The following TTN variants were observed in gnomAD, a reference collection of about 807,000 sequenced individuals.
The protein encoded by TTN is connectin.
Under a neutral mutation model 3,223.0 loss-of-function variants are expected in TTN, and 1,525 were observed. The ratio of observed to expected loss-of-function variants is 0.47; its 90% CI spans 0.45 to 0.49. The LOEUF (loss-of-function observed/expected upper bound fraction) is 0.49. TTN is among the 20% of genes least tolerant of loss of function. The pLI is 0.00. For missense variants in TTN, 40,786 were observed against 43,424.0 expected (o/e 0.94, Z 5.40); for synonymous variants, 14,094 against 15,161.0 (o/e 0.93, Z 5.17).
At position 178,723,268 on chromosome 2, in the gene TTN, T is replaced by G; in HGVS notation, c.21739A>C (p.Ile7247Leu). 6.2e-7 allele frequency: 1 copy of G among 1,613,566 alleles called. No individual in the cohort carries two copies. Among genetic ancestry groups the G allele is most frequent in the Non-Finnish European group, 8.5e-7 (1 of 1,179,648 alleles). ...SDHSVEPGKS[I>L]ILESTYTGTL... ...CCAGTGTAGGTGCTCTCCAGAATTATGGACTTCCCTGGTTCTACAGAATGA... is the reference window on the plus strand; with the variant it reads ...CCAGTGTAGGTGCTCTCCAGAATTAGGGACTTCCCTGGTTCTACAGAATGA... The change falls in exon 75 of 363, where the codon ATA (isoleucine) becomes CTA (leucine). Residue 7247 changes from isoleucine (I) to leucine (L), a missense_variant. Ile to Leu is a conservative substitution (Grantham distance 5). Coordinates refer to ENST00000589042, the MANE Select transcript of TTN (RefSeq NM_001267550.2).
chr2:178,766,496 A>G lies in TTN; in HGVS notation c.9588T>C (p.Tyr3196=), dbSNP rs778998615. 1 of 1,614,090 alleles carries G rather than the reference A, an allele frequency of 6.2e-7. No individual in the cohort carries two copies. Among genetic ancestry groups the G allele is most frequent in the Non-Finnish European group, 8.5e-7 (1 of 1,179,986 alleles). Residue 3196 remains tyrosine (Y), a synonymous_variant, in exon 41 of 363, where the codon TAT becomes TAC. Transcript: ENST00000589042. ...INFQVQERHK[Y]VVERRIHRMF... is the part of the protein sequence containing the mutation. ...TTCGGTGGATTCTTCTTTCCACTAC[A>G]TATTTGTGTCGTTCTTGAACTTGGA...
At position 178,568,018 on chromosome 2, in the gene TTN, T is replaced by G; in HGVS notation, c.78114A>C (p.Thr26038=). Residue 26038 remains threonine, a synonymous_variant, in exon 326 of 363, where the codon ACA becomes ACC. Coordinates refer to ENST00000589042, the MANE Select transcript of TTN (RefSeq NM_001267550.2). ...ERKERNSILW[T]KVNKTIIHDT... Reference sequence around the variant, plus strand: ...CATGAATAATAGTTTTGTTGACCTTTGTCCACAAAATACTGTTTCTTTCTT... The same window carrying G: ...CATGAATAATAGTTTTGTTGACCTTGGTCCACAAAATACTGTTTCTTTCTT... 1 of 1,613,394 alleles carries G rather than the reference T, an allele frequency of 6.2e-7. No individual in the cohort carries two copies. Among genetic ancestry groups the G allele is most frequent in the Non-Finnish European group, 8.5e-7 (1 of 1,179,558 alleles).
rs754601149 is a variant in TTN at position 178,782,556 on chromosome 2, A to G, written c.3147T>C (p.Phe1049=). Residue 1049 remains phenylalanine, a synonymous_variant, in exon 19 of 363, where the codon TTT becomes TTC. Coordinates refer to ENST00000589042, the MANE Select transcript of TTN (RefSeq NM_001267550.2). The part of the protein sequence containing the change: ...EKETTAVTEK[F]TTEEKRFVES... ...TATTTTACCGTTTCTCTTCTGTAGT[A>G]AATTTCTCAGTCACGGCTGTGGTTT... 2.9e-5 allele frequency: 46 copies of G among 1,614,024 alleles called. No homozygotes were observed. The highest frequency in any genetic ancestry group is 3.9e-5 in the Non-Finnish European group (46 of 1,179,952).
Position 178,679,321 on chromosome 2 carries a change from T to A in TTN, c.33742+18A>T. 1 of 1,611,676 alleles carries A rather than the reference T, an allele frequency of 6.2e-7. No individual in the cohort carries two copies. Among genetic ancestry groups the A allele is most frequent in the Non-Finnish European group, 8.5e-7 (1 of 1,178,282 alleles). On this transcript the variant is annotated intron_variant, in intron 142 of 362. Coordinates refer to ENST00000589042, the MANE Select transcript of TTN (RefSeq NM_001267550.2). ...GTGAATTATCATGCTATTCCACTGA[T>A]GGATTATAAGGATGTACCTTTTGCT...
Position 178,732,153 on chromosome 2 carries a change from C to A in TTN, c.16816G>T (p.Val5606Phe). ...TATTCACCACTGTCTTCGATGCCAA[C>A]ATCTGTCAGTCTTAGAACTGCAGTA... ...ESTAVLRLTD[V>F]GIEDSGEYMC... The change falls in exon 57 of 363, where the codon GTT becomes TTT. Residue 5606 changes from valine to phenylalanine, a missense_variant. Val to Phe is a conservative substitution (Grantham distance 50). Transcript: ENST00000589042. The A allele has an allele frequency of 6.2e-7, 1 of 1,613,824 alleles. No homozygotes were observed. Among genetic ancestry groups the A allele is most frequent in the Non-Finnish European group, 8.5e-7 (1 of 1,179,766 alleles).
chr2:178,617,659 T>C (rs188224410), intron 253 of TTN, 120 bp downstream of exon 253: 1 of 1,442,004 alleles, frequency 6.9e-7, no homozygotes, highest in Non-Finnish European at 9.3e-7. Context: ...TAAAACTTTA[T>C]CCAAATTTTT....
intron 127 of TTN, among the ~76,000 whole-genome samples, chr2:178,686,130 T>TTTC: frequency 8.0e-6 from 1 of 124,482 alleles, no homozygotes; most frequent in East Asian, 2.1e-4. Context: ...TTTTTTTTTT[T>TTTC]TTTTTTTTGA....
At position 178,784,177 on chromosome 2, in the gene TTN, A is replaced by G; in HGVS notation, c.2668T>C (p.Tyr890His). Residue 890 changes from tyrosine to histidine, a missense_variant, in exon 16 of 363, where the codon TAC (tyrosine) becomes CAC (histidine). Tyr to His is a moderately conservative substitution (Grantham distance 83). Transcript: ENST00000589042. ...QFPFADTPDT[Y>H]KSEAGVEVKK... ...ACCTCAACGCCAGCTTCACTCTTGTAAGTATCTGGTGTGTCAGCGAAGGGG... is the reference window on the plus strand; with the variant it reads ...ACCTCAACGCCAGCTTCACTCTTGTGAGTATCTGGTGTGTCAGCGAAGGGG... 6.2e-7 allele frequency: 1 copy of G among 1,614,142 alleles called. No individual in the cohort carries two copies.
At position 178,684,951 on chromosome 2, in the gene TTN, C is replaced by A. The variant is rs1031380293; in HGVS notation, c.32509G>T (p.Val10837Phe). 3 of 1,608,812 alleles carry A rather than the reference C, an allele frequency of 1.9e-6. No individual in the cohort carries two copies. The highest frequency in any genetic ancestry group is 2.7e-5 in the African/African-American group (2 of 74,838). Reference protein sequence around the residue: ...APKKIVPEKKVPAPVPKKEKV... With the variant: ...APKKIVPEKKFPAPVPKKEKV... ...TCCTTTTTAGGAACTGGAGCAGGAA[C>A]TTTCTTTTCTGGCACAATTTTCTTA... is the stretch of plus-strand genomic sequence containing the variant. The change falls in exon 130 of 363, where the codon GTT becomes TTT. Residue 10837 changes from valine (V) to phenylalanine (F), a missense_variant. Physicochemically the swap from Val to Phe is conservative, Grantham distance 50. Coordinates refer to ENST00000589042, the MANE Select transcript of TTN (RefSeq NM_001267550.2).
intron 200 of TTN, 55 bp from the exon 201 acceptor site, chr2:178,652,791 AT>A: frequency 1.9e-6 from 3 of 1,608,022 alleles, no homozygotes; most frequent in Non-Finnish European, 2.5e-6. Context: ...ACTAGAAAAA[AT>A]ATTTTCAAGA....
chr2:178,717,095 C>A lies in TTN; in HGVS notation c.25639G>T (p.Glu8547Ter). ...CTTGCTCCTTCACTCTAACAAGTAC[C>A]TTGTACACCCAGCTGAGCAGAACAA... is the stretch of plus-strand genomic sequence containing the variant. ...DSCSAQLGVQ[E>*]PPRFIKKLEP... Residue 8547 changes from glutamate (E) to a stop codon, truncating the protein, a stop_gained and splice_region_variant, in exon 88 of 363, where the codon GAA becomes TAA. Coordinates refer to ENST00000589042, the MANE Select transcript of TTN (RefSeq NM_001267550.2). LOFTEE classifies it high-confidence loss of function. The A allele has an allele frequency of 6.2e-7, 1 of 1,609,078 alleles. No homozygotes were observed. Among genetic ancestry groups the A allele is most frequent in the Non-Finnish European group, 8.5e-7 (1 of 1,176,462 alleles).
rs902958789 is a variant in TTN at position 178,613,647 on chromosome 2, A to AT, written c.49532+103dup. The stretch of plus-strand genomic sequence containing the variant: ...AAAATATGAGTAAAAGTAGTTTAAA[A>AT]TTTTTTTAGTAATATATAATCATCT... On this transcript the variant is annotated intron_variant, in intron 263 of 362. Transcript: ENST00000589042. The AT allele has an allele frequency of 2.4e-6, 3 of 1,231,264 alleles. No homozygotes were observed. The African/African-American group carries it at 4.7e-5, about 19-fold the overall frequency. The allele number at this position is 1,231,264 out of a possible 1,614,324, so 76.3% of individuals were successfully genotyped here.
chr2:178,530,101 C>G lies in TTN; in HGVS notation c.106390G>C (p.Gly35464Arg). 6.2e-7 allele frequency: 1 copy of G among 1,602,006 alleles called. No homozygotes were observed. Among genetic ancestry groups the G allele is most frequent in the South Asian group, 1.1e-5 (1 of 87,584 alleles). The change falls in exon 359 of 363, where the codon GGT (glycine) becomes CGT (arginine). Residue 35464 changes from glycine to arginine, a missense_variant. Gly to Arg is a moderately radical substitution (Grantham distance 125). Coordinates refer to ENST00000589042, the MANE Select transcript of TTN (RefSeq NM_001267550.2). Reference sequence around the variant, plus strand: ...TTGTCTTCAGAGAGTTTATATTTACCTCCTTGTGTAATGGCCTGTAGAATG... The same window carrying G: ...TTGTCTTCAGAGAGTTTATATTTACGTCCTTGTGTAATGGCCTGTAGAATG... Reference protein sequence around the residue: ...TKDGKAITQGGKYKLSEDKGG... With the variant: ...TKDGKAITQGRKYKLSEDKGG...
At position 178,601,481 on chromosome 2, in the gene TTN, C is replaced by T. The variant is rs757839460; in HGVS notation, c.55516G>A (p.Asp18506Asn). ...TAGCCTTTGATCCTGTCTCCTCCAT[C>T]GTCGTCTGGCATCTTCCATGAAAGT... The part of the protein sequence containing the change: ...CRLSWKMPDD[D>N]GGDRIKGYVI... The change falls in exon 287 of 363, where the codon GAT (aspartate) becomes AAT (asparagine). Residue 18506 changes from aspartate (D) to asparagine (N), a missense_variant. Physicochemically the swap from Asp to Asn is conservative, Grantham distance 23. Transcript: ENST00000589042. 29 of 1,612,900 alleles carry T rather than the reference C, an allele frequency of 1.8e-5. No individual in the cohort carries two copies. The highest frequency in any genetic ancestry group is 6.7e-5 in the Admixed American group (4 of 59,938).
rs2088182821 is a variant in TTN, at chr2:178,758,964, T to C, written c.10303+20A>G. The stretch of plus-strand genomic sequence containing the variant: ...TTCGATCTATATTTAAATGGGGTTC[T>C]GAAAGTTGTTTTACTTTACCTTCCA... On this transcript the variant is annotated intron_variant, in intron 44 of 362. Transcript: ENST00000589042. 6.2e-7 allele frequency: 1 copy of C among 1,612,122 alleles called. No homozygotes were observed. Among genetic ancestry groups the C allele is most frequent in the African/African-American group, 1.3e-5 (1 of 74,908 alleles).
Position 178,670,201 on chromosome 2 carries a change from T to A in TTN, c.35386+17A>T. The A allele has an allele frequency of 7.0e-7, 1 of 1,422,004 alleles. No individual in the cohort carries two copies. The highest frequency in any genetic ancestry group is 1.5e-5 in the African/African-American group (1 of 67,188). 88.1% of individuals were successfully genotyped at this position (1,422,004 alleles called of 1,614,324 possible). ...AAAAGGATTTTATATTAATGATGAA[T>A]GAGAAAAGCCAGTTACCTTTAGTTG... On this transcript the variant is annotated intron_variant, in intron 157 of 362. Transcript: ENST00000589042.
intron 120 of TTN, 141 bp from the exon 121 acceptor site, chr2:178,692,240 G>C (rs1355430228): frequency 1.1e-6 from 1 of 894,648 alleles, no homozygotes; most frequent in African/African-American, 1.7e-5. Flanking sequence ...TGGTAGAAAT[G>C]AAAGCTAAAT....
rs748372588 is a variant in TTN, at chr2:178,770,519, T to C, written c.8273A>G (p.Lys2758Arg). The C allele has an allele frequency of 3.1e-6, 5 of 1,614,022 alleles. No homozygotes were observed. The Admixed American group carries it at 5.0e-5, about 16-fold the overall frequency. The stretch of plus-strand genomic sequence containing the variant: ...AATCCTCAGAGAGTAAATTGTTCCT[T>C]TGACAGAGATAGCATACTTTTCATT... ...ESNEKYAISV[K>R]GTIYSLRIKN... Residue 2758 changes from lysine to arginine, a missense_variant, in exon 35 of 363, where the codon AAA becomes AGA. Lys to Arg is a conservative substitution (Grantham distance 26). Transcript: ENST00000589042.
intron 304 of TTN, 23 bp from the exon 305 acceptor site, chr2:178,588,242 G>C: frequency 1.3e-6 from 2 of 1,526,872 alleles, no homozygotes; most frequent in South Asian, 1.3e-5. Context: ...TATACATATA[G>C]TTAACTACTA....
Sources: allele counts gnomAD v4.1 joint callset (sites outside exome capture counted in the v4.1 genomes callset), GRCh38; gene constraint gnomAD v4.1.1; transcripts MANE v1.5; gene names NCBI Gene and HGNC (gene_info 2026-07-23, HGNC 2026-07-21).